COL14A1: variants seen among roughly 807,000 people sequenced by gnomAD.
COL14A1 encodes collagen alpha-1(XIV) chain.
In COL14A1, 136 loss-of-function variants were observed where a neutral mutation model predicts 230.3. That is an observed-to-expected ratio of 0.59 (90% CI 0.51 to 0.68). The LOEUF is 0.68. Among genes scored for constraint, COL14A1 ranks in the 30% least tolerant of loss-of-function variants. The pLI is 0.00. For missense variants in COL14A1, 1,976 were observed against 2,215.8 expected, an observed-to-expected ratio of 0.89 and a Z score of 2.17; for synonymous variants, 792 against 784.1, an observed-to-expected ratio of 1.01 and a Z score of -0.17.
Position 120,196,837 on chromosome 8 carries a change from C to A in COL14A1, c.483C>A (p.Ile161=). 2 of 1,613,992 alleles carry A rather than the reference C, an allele frequency of 1.2e-6. No homozygotes were observed. Among genetic ancestry groups the A allele is most frequent in the South Asian group, 1.1e-5 (1 of 91,034 alleles). ...CQTPAIADIV[I]LVDGSWSIGR... ...CTCCAGCAATTGCTGACATTGTAATCCTGGTCGATGGTTCATGGAGTATTG... is the reference window on the plus strand; with the variant it reads ...CTCCAGCAATTGCTGACATTGTAATACTGGTCGATGGTTCATGGAGTATTG... Residue 161 remains isoleucine, a synonymous_variant, in exon 6 of 48, where the codon ATC becomes ATA. Coordinates refer to ENST00000297848, the MANE Select transcript of COL14A1 (RefSeq NM_021110.4).
chr8:120,185,917 C>T (rs564108085), intron 5 of COL14A1, among the ~76,000 whole-genome samples: 10 of 152,216 alleles, frequency 6.6e-5, no homozygotes, highest in East Asian at 3.9e-4. Flanking sequence ...GGGTTACTGA[C>T]GCCTGCCACC....
chr8:120,301,909 A>G (rs1191233461), intron 36 of COL14A1, among the ~76,000 whole-genome samples: 1 of 152,172 alleles, frequency 6.6e-6, no homozygotes, highest in Non-Finnish European at 1.5e-5. Flanking sequence ...GACTGCTGTG[A>G]GATGGTATTT....
chr8:120,195,857 A>C (rs1817019263), intron 5 of COL14A1, among the ~76,000 whole-genome samples: 1 of 152,182 alleles, frequency 6.6e-6, no homozygotes, highest in African/African-American at 2.4e-5. Context: ...GGACACAACC[A>C]AACCATATCG....
intron 21 of COL14A1, among the ~76,000 whole-genome samples, chr8:120,249,869 T>C (rs1818885814): frequency 6.6e-6 from 1 of 152,284 alleles, no homozygotes; most frequent in Non-Finnish European, 1.5e-5. Flanking sequence ...GATAGACATA[T>C]AAATGTATTG....
chr8:120,281,559 C>T (rs1410367635), intron 31 of COL14A1, among the ~76,000 whole-genome samples: 2 of 110,648 alleles, frequency 1.8e-5, no homozygotes, highest in Admixed American at 9.4e-5. Flanking sequence ...AGCAAGACCC[C>T]GTCTTTAAAA....
At chr8:120,357,921 G>A (rs751110540) in intron 45 of COL14A1, among the ~76,000 whole-genome samples, 1 of 152,078 alleles carries the variant, frequency 6.6e-6, no homozygotes, top group Non-Finnish European at 1.5e-5. Flanking sequence ...TACCTTTTGT[G>A]TTCCTGTTTC....
At chr8:120,241,480 T>G (rs144532797) in intron 19 of COL14A1, among the ~76,000 whole-genome samples, 1 of 152,318 alleles carries the variant, frequency 6.6e-6, no homozygotes, top group Non-Finnish European at 1.5e-5. Flanking sequence ...GAAAATCCAT[T>G]TCTGAAAAAA....
chr8:120,231,476 C>T lies in COL14A1; in HGVS notation c.2207C>T (p.Thr736Met), dbSNP rs369897267. 9.1e-5 allele frequency: 146 copies of T among 1,612,000 alleles called. No individual in the cohort carries two copies. The highest frequency in any genetic ancestry group is 7.6e-4 in the Admixed American group (45 of 59,430). ...PTTSVTSVFQ[T>M]GIRNLVVGDE... ...GTTGTGTTTATTCCAGTTTTCCAGACGGGAATCAGAAACCTAGTTGTAGGT... is the reference window on the plus strand; with the variant it reads ...GTTGTGTTTATTCCAGTTTTCCAGATGGGAATCAGAAACCTAGTTGTAGGT... Residue 736 changes from threonine to methionine, a missense_variant, in exon 19 of 48, where the codon ACG becomes ATG. This residue lies in a region of COL14A1 where 1,791 missense variants were observed against 2,019.5 expected (regional missense o/e 0.89). Transcript: ENST00000297848.
At chr8:120,334,140 C>G (rs972483201) in intron 42 of COL14A1, among the ~76,000 whole-genome samples, 27 of 152,168 alleles carry the variant, frequency 1.8e-4, no homozygotes, top group African/African-American at 6.5e-4. Context: ...CTTCGTCTAG[C>G]AACCCAGATA....
At chr8:120,200,390 A>C (rs1438058768) in intron 8 of COL14A1, among the ~76,000 whole-genome samples, 1 of 151,910 alleles carries the variant, frequency 6.6e-6, no homozygotes, top group Non-Finnish European at 1.5e-5. Flanking sequence ...ATTTATCAAG[A>C]ATATGGTGCA....
At chr8:120,198,738 G>A (rs933024191) in intron 7 of COL14A1, among the ~76,000 whole-genome samples, 2 of 152,120 alleles carry the variant, frequency 1.3e-5, no homozygotes, top group African/African-American at 2.4e-5. Context: ...CCTGCCACAG[G>A]CACATATTAG....
intron 2 of COL14A1, among the ~76,000 whole-genome samples, chr8:120,154,606 A>G (rs1453229418): frequency 6.6e-6 from 1 of 152,034 alleles, no homozygotes; most frequent in Admixed American, 6.6e-5. Flanking sequence ...CTCATCTTTT[A>G]CACTTCACCA....
At chr8:120,136,395 T>A (rs1814708283) in intron 1 of COL14A1, among the ~76,000 whole-genome samples, 1 of 151,622 alleles carries the variant, frequency 6.6e-6, no homozygotes, top group Admixed American at 6.6e-5. Flanking sequence ...CATATATATA[T>A]ATATAAAATC....
chr8:120,358,983 A>G (rs1266504531), intron 45 of COL14A1, among the ~76,000 whole-genome samples: 2 of 152,154 alleles, frequency 1.3e-5, no homozygotes, highest in African/African-American at 2.4e-5. Flanking sequence ...ATGTAAATAT[A>G]GTGAAGTAGT....
chr8:120,161,930 G>A (rs1815690258), intron 3 of COL14A1, among the ~76,000 whole-genome samples: 1 of 152,200 alleles, frequency 6.6e-6, no homozygotes, highest in South Asian at 2.1e-4. Flanking sequence ...CTCCTAAAGT[G>A]CAAGGATTAC....
At position 120,288,709 on chromosome 8, in the gene COL14A1, T is replaced by C. The variant is rs16893828; in HGVS notation, c.4078-899T>C. On this transcript the variant is annotated intron_variant, in intron 33 of 47. Coordinates refer to ENST00000297848, the MANE Select transcript of COL14A1 (RefSeq NM_021110.4). The stretch of plus-strand genomic sequence containing the variant: ...TGATTGTATTGACCAACATGGTTTT[T>C]CTTTGAACTACCGTAATGCCTTATC... 3.6e-3 allele frequency among the ~76,000 whole-genome samples: 544 copies of C among 152,320 alleles called. 3 individuals carry two copies. The highest frequency in any genetic ancestry group is 0.012 in the African/African-American group (499 of 41,586).
rs761034305 is a variant in COL14A1, at chr8:120,310,077, T to TTC, written c.4455+27_4455+28dup. 13 of 1,600,194 alleles carry TTC rather than the reference T, an allele frequency of 8.1e-6. No individual in the cohort carries two copies. Among genetic ancestry groups the TTC allele is most frequent in the African/African-American group, 2.7e-5 (2 of 74,628 alleles). On this transcript the variant is annotated intron_variant, in intron 37 of 47. Coordinates refer to ENST00000297848, the MANE Select transcript of COL14A1 (RefSeq NM_021110.4). ...CGGGTCCAAAGGTAATGCGCATGTT[T>TTC]TCTCTCTCTCTCTGTCTCATCTCTC...
intron 5 of COL14A1, among the ~76,000 whole-genome samples, chr8:120,190,767 T>C (rs1366075191): frequency 6.6e-6 from 1 of 152,218 alleles, no homozygotes; most frequent in African/African-American, 2.4e-5. Context: ...CCTGATTTAG[T>C]CTTGGGAGGG....
chr8:120,300,785 C>G lies in COL14A1; in HGVS notation c.4368C>G (p.Thr1456=). 6.2e-7 allele frequency: 1 copy of G among 1,613,594 alleles called. No individual in the cohort carries two copies. Among genetic ancestry groups the G allele is most frequent in the Non-Finnish European group, 8.5e-7 (1 of 1,179,684 alleles). ...CCCATTCCTGCTCCTGTTCTGAAAC[C>G]AATGAAGTGGCTCTGGGACCAGCGG... ...DLPHSCSCSE[T]NEVALGPAGP... is the part of the protein sequence containing the mutation. Residue 1456 remains threonine (T), a synonymous_variant, in exon 36 of 48, where the codon ACC becomes ACG. Transcript: ENST00000297848.
Sources: gnomAD v4.1 joint callset for allele counts (sites outside exome capture counted in the v4.1 genomes callset) on GRCh38, gnomAD v4.1.1 for gene constraint, gnomAD v4.1.1 regional missense constraint, MANE v1.5 for transcripts, NCBI Gene and HGNC (gene_info 2026-07-23, HGNC 2026-07-21) for gene names.